MUC17: variants seen among roughly 807,000 people sequenced by gnomAD.
MUC17 encodes the protein mucin-17.
MUC17 carries 190 observed loss-of-function variants against 170.3 expected under a neutral mutation model. The ratio of observed to expected loss-of-function variants is 1.12; its 90% CI spans 0.99 to 1.26. The LOEUF is 1.26. Ranked by LOEUF, MUC17 falls within the 50% of genes most tolerant of loss-of-function variation. The pLI is 0.00. For missense variants in MUC17, 6,415 were observed against 5,530.0 expected (o/e 1.16, Z -5.08); for synonymous variants, 2,325 against 2,002.5 (o/e 1.16, Z -4.30).
At position 101,033,417 on chromosome 7, in the gene MUC17, T is replaced by A. The variant is rs567490060; in HGVS notation, c.2001T>A (p.Thr667=). 7 of 1,613,236 alleles carry A rather than the reference T, an allele frequency of 4.3e-6. No homozygotes were observed. The African/African-American group carries it at 6.7e-5, about 15-fold the overall frequency. ...NTPVTTSTEA[T]SSSTTAEGTS... ...CTGTGACCACTTCAACTGAAGCCAC[T>A]TCATCTTCTACAACTGCGGAAGGTA... The change falls in exon 3 of 13, where the codon ACT becomes ACA. Residue 667 remains threonine, a synonymous_variant. Transcript: ENST00000306151.
rs1286721237 is a variant in MUC17 at position 101,050,495 on chromosome 7, T to G, written c.12734T>G (p.Val4245Gly). 1 of 1,613,654 alleles carries G rather than the reference T, an allele frequency of 6.2e-7. No individual in the cohort carries two copies. The highest frequency in any genetic ancestry group is 1.7e-5 in the Admixed American group (1 of 59,964). ...CCTTCCCTCTTCAGTCTTGGCAGTG[T>G]GGTGGTGGAGCATGACGTCCTCCTA... ...VNITKLRLGS[V>G]VVEHDVLLRT... Residue 4245 changes from valine to glycine, a missense_variant, in exon 7 of 13, where the codon GTG becomes GGG. Transcript: ENST00000306151.
In MUC17 at chr7:101,036,587, C is replaced by G; in HGVS notation, c.5171C>G (p.Ser1724Cys). ...GACAACAGCACACCTGTGACCACTT[C>G]TACTGAAGCCCGTTCATCTCCTACA... Reference protein sequence around the residue: ...PVDNSTPVTTSTEARSSPTTS... With the variant: ...PVDNSTPVTTCTEARSSPTTS... The change falls in exon 3 of 13, where the codon TCT (serine) becomes TGT (cysteine). Residue 1724 changes from serine to cysteine, a missense_variant. Physicochemically the swap from Ser to Cys is moderately radical, Grantham distance 112. Coordinates refer to ENST00000306151, the MANE Select transcript of MUC17 (RefSeq NM_001040105.2). The G allele has an allele frequency of 6.2e-7, 1 of 1,613,184 alleles. No homozygotes were observed. The highest frequency in any genetic ancestry group is 2.2e-5 in the East Asian group (1 of 44,824).
At position 101,037,422 on chromosome 7, in the gene MUC17, T is replaced by C. The variant is rs776873955; in HGVS notation, c.6006T>C (p.Ala2002=). The C allele has an allele frequency of 6.8e-6, 11 of 1,611,538 alleles. No homozygotes were observed. Among genetic ancestry groups the C allele is most frequent in the Middle Eastern group, 1.7e-4 (1 of 6,042 alleles). The part of the protein sequence containing the change: ...LSTTLVVSSE[A]STLSTTPVDT... ...CCACGCTGGTGGTCAGTTCTGAGGC[T>C]AGCACTCTTTCCACAACTCCTGTTG... The change falls in exon 3 of 13, where the codon GCT becomes GCC. Residue 2002 remains alanine, a synonymous_variant. Coordinates refer to ENST00000306151, the MANE Select transcript of MUC17 (RefSeq NM_001040105.2).
rs143623953 is a variant in MUC17, at chr7:101,024,057, C to T, written c.82+3840C>T. Among the ~76,000 whole-genome samples, 2 of 152,180 alleles carry T rather than the reference C, an allele frequency of 1.3e-5. 1 individual carries two copies. Among genetic ancestry groups the T allele is most frequent in the South Asian group, 4.1e-4 (2 of 4,822 alleles). On this transcript the variant is annotated intron_variant, in intron 1 of 12. Transcript: ENST00000306151. ...TCTTTTGAGAAGTGTCTGTTCATGG[C>T]CTTTGCCCACTTTTTGATGGGAGGG...
intron 6 of MUC17, among the ~76,000 whole-genome samples, chr7:101,049,608 C>T (rs1023043609): frequency 6.6e-6 from 1 of 152,076 alleles, no homozygotes; most frequent in African/African-American, 2.4e-5. Flanking sequence ...GGCCTCTCTC[C>T]TTGGCTTGTG....
rs778465093 is a variant in MUC17, at chr7:101,033,147, C to T, written c.1731C>T (p.Val577=). The change falls in exon 3 of 13, where the codon GTC becomes GTT. Residue 577 remains valine, a synonymous_variant. Transcript: ENST00000306151. Reference sequence around the variant, plus strand: ...GCACTCCATTAACAAACATGCCTGTCAGCACCAGGCTGGTGGTCAGTTCTG... The same window carrying T: ...GCACTCCATTAACAAACATGCCTGTTAGCACCAGGCTGGTGGTCAGTTCTG... ...EGSTPLTNMP[V]STRLVVSSEA... The T allele has an allele frequency of 6.2e-7, 1 of 1,611,954 alleles. No homozygotes were observed. The highest frequency in any genetic ancestry group is 8.5e-7 in the Non-Finnish European group (1 of 1,178,732).
In MUC17 at chr7:101,042,271, C is replaced by G; in HGVS notation, c.10855C>G (p.Pro3619Ala). Reference protein sequence around the residue: ...TSTQSNSTPTPPEVITLPMST... With the variant: ...TSTQSNSTPTAPEVITLPMST... The stretch of plus-strand genomic sequence containing the variant: ...TACTCAGAGCAATTCTACTCCTACA[C>G]CTCCTGAAGTTATCACCCTGCCAAT... The change falls in exon 3 of 13, where the codon CCT becomes GCT. Residue 3619 changes from proline to alanine, a missense_variant. Transcript: ENST00000306151. The G allele has an allele frequency of 6.2e-7, 1 of 1,612,998 alleles. No homozygotes were observed. Among genetic ancestry groups the G allele is most frequent in the Non-Finnish European group, 8.5e-7 (1 of 1,179,738 alleles).
Position 101,036,682 on chromosome 7 carries a change from GT to G in MUC17, c.5267del (p.Val1756AlafsTer25). 1 of 1,613,210 alleles carries G rather than the reference GT, an allele frequency of 6.2e-7. No individual in the cohort carries two copies. The highest frequency in any genetic ancestry group is 8.5e-7 in the Non-Finnish European group (1 of 1,179,728). On this transcript the variant is annotated frameshift_variant, in exon 3 of 13. Transcript: ENST00000306151. LOFTEE classifies it high-confidence loss of function. ...EGTTPLTSIP[V>X]STTPVLSSEA... ...AACCACTCCATTAACAAGTATACCT[GT>G]CAGCACCACGCCGGTACTCAGTTCT...
At chr7:101,048,433 A>T (rs910812969) in intron 4 of MUC17, among the ~76,000 whole-genome samples, 27 of 145,628 alleles carry the variant, frequency 1.9e-4, no homozygotes, top group Non-Finnish European at 2.7e-4. Context: ...TATTTATTTA[A>T]AAAAAAAAAA....
In MUC17 at chr7:101,036,740, A is replaced by T; in HGVS notation, c.5324A>T (p.Asp1775Val). ...AGCACCCTTTCAGCAACTCCTATTG[A>T]CACCAGCACCCCTGTGACCACTTCT... is the stretch of plus-strand genomic sequence containing the variant. Reference protein sequence around the residue: ...EASTLSATPIDTSTPVTTSTE... With the variant: ...EASTLSATPIVTSTPVTTSTE... Residue 1775 changes from aspartate to valine, a missense_variant, in exon 3 of 13, where the codon GAC (aspartate) becomes GTC (valine). By Grantham distance (152) the Asp-to-Val change is radical. Coordinates refer to ENST00000306151, the MANE Select transcript of MUC17 (RefSeq NM_001040105.2). 6.2e-7 allele frequency: 1 copy of T among 1,612,588 alleles called. No individual in the cohort carries two copies. Among genetic ancestry groups the T allele is most frequent in the South Asian group, 1.1e-5 (1 of 90,824 alleles).
Position 101,040,667 on chromosome 7 carries a change from G to T in MUC17, c.9251G>T (p.Ser3084Ile), listed in dbSNP as rs200543158. The change falls in exon 3 of 13, where the codon AGT (serine) becomes ATT (isoleucine). Residue 3084 changes from serine (S) to isoleucine (I), a missense_variant. Physicochemically the swap from Ser to Ile is moderately radical, Grantham distance 142. Coordinates refer to ENST00000306151, the MANE Select transcript of MUC17 (RefSeq NM_001040105.2). ...CCTGTGGTCACTTCTACTGAAGTCA[G>T]TTCATCTCCTACACCTGCTGAAGGT... The part of the protein sequence containing the change: ...NSPVVTSTEV[S>I]SSPTPAEGTS... 7.4e-6 allele frequency: 12 copies of T among 1,610,970 alleles called. No individual in the cohort carries two copies. The highest frequency in any genetic ancestry group is 9.3e-6 in the Non-Finnish European group (11 of 1,179,022).
At position 101,035,974 on chromosome 7, in the gene MUC17, C is replaced by G; in HGVS notation, c.4558C>G (p.Pro1520Ala). 6.2e-7 allele frequency: 1 copy of G among 1,612,088 alleles called. No homozygotes were observed. The highest frequency in any genetic ancestry group is 2.2e-5 in the East Asian group (1 of 44,758). The change falls in exon 3 of 13, where the codon CCT (proline) becomes GCT (alanine). Residue 1520 changes from proline (P) to alanine (A), a missense_variant. By Grantham distance (27) the Pro-to-Ala change is conservative (BLOSUM62 -1). Coordinates refer to ENST00000306151, the MANE Select transcript of MUC17 (RefSeq NM_001040105.2). ...AGGAAGCACTGCATTAACAAGTATA[C>G]CTGTCAGCACCACAACAGTGGCCAG... is the stretch of plus-strand genomic sequence containing the variant. The part of the protein sequence containing the change: ...SEGSTALTSI[P>A]VSTTTVASSE...
rs763231969 is a variant in MUC17 at position 101,041,089 on chromosome 7, A to C, written c.9673A>C (p.Thr3225Pro). The part of the protein sequence containing the change: ...STPSEGMTPL[T>P]SVPVSNTPVA... ...TCCTAGTGAAGGAATGACTCCATTA[A>C]CTAGTGTACCTGTCAGCAACACGCC... Residue 3225 changes from threonine to proline, a missense_variant, in exon 3 of 13, where the codon ACT (threonine) becomes CCT (proline). Transcript: ENST00000306151. 1.9e-6 allele frequency: 3 copies of C among 1,613,758 alleles called. No homozygotes were observed. In the South Asian group the frequency reaches 3.3e-5, roughly 18 times the overall value.
rs766331025 is a variant in MUC17, at chr7:101,033,686, C to T, written c.2270C>T (p.Thr757Met). The change falls in exon 3 of 13, where the codon ACG becomes ATG. Residue 757 changes from threonine (T) to methionine (M), a missense_variant. By Grantham distance (81) the Thr-to-Met change is moderately conservative. Transcript: ENST00000306151. ...TPLTSMPVSK[T>M]LLTSSEASTL... is the part of the protein sequence containing the mutation. Reference sequence around the variant, plus strand: ...TTAACAAGTATGCCTGTCAGCAAAACGCTGTTGACCAGTTCTGAGGCTAGC... The same window carrying T: ...TTAACAAGTATGCCTGTCAGCAAAATGCTGTTGACCAGTTCTGAGGCTAGC... 57 of 1,613,428 alleles carry T rather than the reference C, an allele frequency of 3.5e-5. 1 individual carries two copies. The highest frequency in any genetic ancestry group is 1.9e-4 in the African/African-American group (14 of 74,908).
chr7:101,039,346 C>T lies in MUC17; in HGVS notation c.7930C>T (p.Pro2644Ser). The change falls in exon 3 of 13, where the codon CCA becomes TCA. Residue 2644 changes from proline (P) to serine (S), a missense_variant. Pro to Ser is a moderately conservative substitution (Grantham distance 74). Coordinates refer to ENST00000306151, the MANE Select transcript of MUC17 (RefSeq NM_001040105.2). ...AACAAGTATACTTGTCAGCACCATG[C>T]CAGTGGCCAGTTCTGAGGCTAGCAC... ...SLTSILVSTMPVASSEASTLS... is the reference protein window; with the variant it reads ...SLTSILVSTMSVASSEASTLS... 1.9e-6 allele frequency: 3 copies of T among 1,612,996 alleles called. 1 individual carries two copies. The highest frequency in any genetic ancestry group is 2.5e-6 in the Non-Finnish European group (3 of 1,179,406).
At chr7:101,054,487 G>A (rs1307782445) in intron 11 of MUC17, among the ~76,000 whole-genome samples, 1 of 152,136 alleles carries the variant, frequency 6.6e-6, no homozygotes, top group Non-Finnish European at 1.5e-5. Flanking sequence ...GGGAAGATTA[G>A]AATGAGGAAA....
At position 101,042,933 on chromosome 7, in the gene MUC17, T is replaced by A. The variant is rs1427132318; in HGVS notation, c.11517T>A (p.Pro3839=). The change falls in exon 3 of 13, where the codon CCT becomes CCA. Residue 3839 remains proline (P), a synonymous_variant. Coordinates refer to ENST00000306151, the MANE Select transcript of MUC17 (RefSeq NM_001040105.2). ...AGGCCAGCACACTTTCAACACCTCC[T>A]GGTGATACCAGCACACCTTTGCTCA... The part of the protein sequence containing the change: ...PSEASTLSTP[P]GDTSTPLLTS... 6.2e-7 allele frequency: 1 copy of A among 1,614,170 alleles called. No individual in the cohort carries two copies. Among genetic ancestry groups the A allele is most frequent in the Non-Finnish European group, 8.5e-7 (1 of 1,180,036 alleles).
chr7:101,036,912 T>G lies in MUC17; in HGVS notation c.5496T>G (p.Pro1832=). 1 of 1,612,906 alleles carries G rather than the reference T, an allele frequency of 6.2e-7. No homozygotes were observed. The highest frequency in any genetic ancestry group is 1.3e-5 in the African/African-American group (1 of 74,988). The change falls in exon 3 of 13, where the codon CCT becomes CCG. Residue 1832 remains proline, a synonymous_variant. Coordinates refer to ENST00000306151, the MANE Select transcript of MUC17 (RefSeq NM_001040105.2). Reference sequence around the variant, plus strand: ...AGGCTAGCACCCTTTCAACAACTCCTGTTGACTCTAACAGTCCTGTGGTCA... The same window carrying G: ...AGGCTAGCACCCTTTCAACAACTCCGGTTGACTCTAACAGTCCTGTGGTCA... ...NSEASTLSTT[P]VDSNSPVVTS...
rs1333946659 is a variant in MUC17 at position 101,037,620 on chromosome 7, T to C, written c.6204T>C (p.Pro2068=). 6.2e-7 allele frequency: 1 copy of C among 1,614,042 alleles called. No individual in the cohort carries two copies. The highest frequency in any genetic ancestry group is 8.5e-7 in the Non-Finnish European group (1 of 1,179,966). The change falls in exon 3 of 13, where the codon CCT becomes CCC. Residue 2068 remains proline, a synonymous_variant. Transcript: ENST00000306151. ...SSEGNTLSTT[P]VDSKTQVTNS... ...AGGGTAACACCCTTTCAACAACTCCTGTTGACTCCAAAACTCAGGTGACCA... is the reference window on the plus strand; with the variant it reads ...AGGGTAACACCCTTTCAACAACTCCCGTTGACTCCAAAACTCAGGTGACCA...
Sources: gnomAD v4.1 joint callset for allele counts (sites outside exome capture counted in the v4.1 genomes callset) on GRCh38, gnomAD v4.1.1 for gene constraint, MANE v1.5 for transcripts, NCBI Gene and HGNC (gene_info 2026-07-23, HGNC 2026-07-21) for gene names.